The following GABRA5 variants were observed in gnomAD, a reference collection of about 807,000 sequenced individuals.
The protein encoded by GABRA5 is gamma-aminobutyric acid type A receptor subunit alpha5.
In GABRA5, 18 loss-of-function variants were observed where a neutral mutation model predicts 47.3. The ratio of observed to expected loss-of-function variants is 0.38; its 90% CI spans 0.26 to 0.56. The LOEUF is 0.56. Among genes scored for constraint, GABRA5 ranks in the 20% least tolerant of loss-of-function variants. The probability of loss-of-function intolerance (pLI) is 0.71; values close to 1 mark genes in which losing one functional copy is unlikely to be tolerated. For synonymous variants in GABRA5, 237 were observed against 229.3 expected (o/e 1.03, Z -0.30); for missense variants, 365 against 599.3 (o/e 0.61, Z 4.08).
At chr15:26,947,720 A>G (rs1894545456) in intron 10 of GABRA5, among the ~76,000 whole-genome samples, 1 of 152,178 alleles carries the variant, frequency 6.6e-6, no homozygotes, top group Non-Finnish European at 1.5e-5. Flanking sequence ...TCCTCTGGGA[A>G]TGTATCCCGT....
chr15:26,882,368 C>T (rs1426190140), intron 4 of GABRA5, among the ~76,000 whole-genome samples: 1 of 152,158 alleles, frequency 6.6e-6, no homozygotes, highest in Non-Finnish European at 1.5e-5. Flanking sequence ...AGATGCACGC[C>T]ATGCAGACGA....
intron 6 of GABRA5, among the ~76,000 whole-genome samples, chr15:26,893,905 G>C (rs1448071022): frequency 6.6e-6 from 1 of 152,110 alleles, no homozygotes; most frequent in East Asian, 1.9e-4. Flanking sequence ...GGCGGCAGCC[G>C]GTCAAGGGGC....
At chr15:26,914,235 T>C (rs1893668522) in intron 6 of GABRA5, among the ~76,000 whole-genome samples, 1 of 151,876 alleles carries the variant, frequency 6.6e-6, no homozygotes, top group African/African-American at 2.4e-5. Flanking sequence ...CAGTTTCATA[T>C]TGGCCCATTA....
intron 7 of GABRA5, 24 bp downstream of exon 7, chr15:26,914,909 G>A (rs1282797285): frequency 2.5e-6 from 4 of 1,585,762 alleles, no homozygotes; most frequent in Admixed American, 1.7e-5. Flanking sequence ...ACAAGTAAGA[G>A]CCTTGGACAT....
chr15:26,874,643 G>A (rs891225544), intron 3 of GABRA5, among the ~76,000 whole-genome samples: 2 of 152,102 alleles, frequency 1.3e-5, no homozygotes, highest in South Asian at 2.1e-4. Context: ...ACTCCAACAC[G>A]GAATATAGAT....
intron 6 of GABRA5, among the ~76,000 whole-genome samples, chr15:26,896,073 C>G (rs1893185913): frequency 6.6e-6 from 1 of 152,102 alleles, no homozygotes; most frequent in South Asian, 2.1e-4. Flanking sequence ...TTCAGTCATT[C>G]CCTTGCTGGG....
intron 6 of GABRA5, among the ~76,000 whole-genome samples, chr15:26,904,879 G>T (rs1893405784): frequency 6.6e-6 from 1 of 152,088 alleles, no homozygotes; most frequent in Admixed American, 6.6e-5. Context: ...GGGTTTTCTA[G>T]ATGTAGGATC....
intron 8 of GABRA5, chr15:26,939,422 C>T: frequency 1.3e-6 from 1 of 765,108 alleles, no homozygotes; most frequent in Non-Finnish European, 2.4e-6. Context: ...CCCAGAGCCT[C>T]CTGAGCTGCT....
At chr15:26,894,832 T>A (rs1201527292) in intron 6 of GABRA5, among the ~76,000 whole-genome samples, 1 of 152,180 alleles carries the variant, frequency 6.6e-6, no homozygotes, top group East Asian at 1.9e-4. Flanking sequence ...GTTCCTCCAA[T>A]GTTTTTGTCT....
Position 26,883,288 on chromosome 15 carries a change from C to CGGGG in GABRA5, c.277-48_277-47insGGGG. 6.2e-7 allele frequency: 1 copy of CGGGG among 1,610,594 alleles called. No individual in the cohort carries two copies. Among genetic ancestry groups the CGGGG allele is most frequent in the African/African-American group, 1.3e-5 (1 of 74,964 alleles). On this transcript the variant is annotated intron_variant, in intron 5 of 10. Coordinates refer to ENST00000335625, the MANE Select transcript of GABRA5 (RefSeq NM_000810.4). The surrounding 1 kb of genome is among the most constrained non-coding windows in gnomAD (Gnocchi z 4.8). ...ATTCTTACTCCGCGCCGCAGGCCCC[C>CGGGG]GCCCAGGCCCCGTGCCCTCTGACTG... is the stretch of plus-strand genomic sequence containing the variant.
chr15:26,887,549 CTT>C (rs1449962057), intron 6 of GABRA5, among the ~76,000 whole-genome samples: 4 of 152,042 alleles, frequency 2.6e-5, no homozygotes, highest in Non-Finnish European at 5.9e-5. Flanking sequence ...CCAGGCTGAT[CTT>C]GAACTCCTAA....
chr15:26,892,782 G>A (rs1353618488), intron 6 of GABRA5, among the ~76,000 whole-genome samples: 1 of 152,152 alleles, frequency 6.6e-6, no homozygotes, highest in Non-Finnish European at 1.5e-5. Context: ...GATGGAATCA[G>A]CTGAAGGGCC....
intron 6 of GABRA5, among the ~76,000 whole-genome samples, chr15:26,890,401 C>T (rs1892976087): frequency 6.7e-6 from 1 of 149,826 alleles, no homozygotes; most frequent in Admixed American, 6.6e-5. Flanking sequence ...AACAGTTACT[C>T]ATCTCAAGAT....
intron 6 of GABRA5, among the ~76,000 whole-genome samples, chr15:26,893,850 C>A (rs575215770): frequency 6.6e-6 from 1 of 152,142 alleles, no homozygotes; most frequent in African/African-American, 2.4e-5. Context: ...CAGCATGGAC[C>A]GGGGCGTCAG....
chr15:26,899,527 AT>A (rs1230276021), intron 6 of GABRA5, among the ~76,000 whole-genome samples: 1 of 152,200 alleles, frequency 6.6e-6, no homozygotes, highest in East Asian at 1.9e-4. Flanking sequence ...AAAATGGGAT[AT>A]TCAGGTTTCC....
At chr15:26,914,995 T>C in intron 7 of GABRA5, 110 bp downstream of exon 7, 1 of 864,458 alleles carries the variant, frequency 1.2e-6, no homozygotes, top group Non-Finnish European at 1.9e-6. Context: ...TAGGATGCAG[T>C]CTGTTTAAGA....
intron 3 of GABRA5, among the ~76,000 whole-genome samples, chr15:26,876,832 T>C (rs1484119547): frequency 6.6e-6 from 1 of 152,052 alleles, no homozygotes; most frequent in East Asian, 1.9e-4. Flanking sequence ...ATGGGGAGAA[T>C]GTGTGTAAGG....
intron 6 of GABRA5, among the ~76,000 whole-genome samples, chr15:26,909,133 C>T (rs1167459312): frequency 6.6e-6 from 1 of 152,184 alleles, no homozygotes; most frequent in Non-Finnish European, 1.5e-5. Context: ...CTTCTGGCTT[C>T]TCTAGGGGAC....
At chr15:26,922,018 C>T (rs1032459873) in intron 7 of GABRA5, among the ~76,000 whole-genome samples, 1 of 152,042 alleles carries the variant, frequency 6.6e-6, no homozygotes, top group African/African-American at 2.4e-5. Context: ...ATATGGCCTA[C>T]TTGATATTTA....
Sources: allele counts gnomAD v4.1 joint callset (sites outside exome capture counted in the v4.1 genomes callset), GRCh38; gene constraint gnomAD v4.1.1; non-coding constraint Gnocchi (gnomAD v3.1); transcripts MANE v1.5; gene names NCBI Gene and HGNC (gene_info 2026-07-23, HGNC 2026-07-21).